Variants in FMNL2 observed in about 807,000 individuals in gnomAD.
The protein encoded by FMNL2 is formin like 2, also known as formin-like protein 2.
A neutral mutation model predicts 130.2 loss-of-function variants in FMNL2; 51 were observed. The ratio of observed to expected loss-of-function variants is 0.39; its 90% confidence interval spans 0.31 to 0.49. FMNL2 has a LOEUF of 0.49. Among genes scored for constraint, FMNL2 ranks in the 20% least tolerant of loss-of-function variants. The pLI is 0.85. For synonymous variants in FMNL2, 465 were observed against 467.1 expected (o/e 1.00, Z 0.06); for missense variants, 977 against 1,316.2 (o/e 0.74, Z 3.99).
chr2:152,445,850 C>T (rs999305094), intron 1 of FMNL2, among the ~76,000 whole-genome samples: 4 of 152,182 alleles, frequency 2.6e-5, no homozygotes, highest in African/African-American at 4.8e-5. Flanking sequence ...GTCAGGGTTC[C>T]GGGTCAGCTG....
chr2:152,564,743 AAGAC>A (rs1239419540), intron 6 of FMNL2, among the ~76,000 whole-genome samples: 1 of 147,330 alleles, frequency 6.8e-6, no homozygotes, highest in Non-Finnish European at 1.5e-5. Context: ...AAGAAAAAAA[AAGAC>A]AAACACTGCG....
chr2:152,362,482 A>T lies in FMNL2; in HGVS notation c.117+26762A>T, dbSNP rs1000326513. Among the ~76,000 whole-genome samples the T allele has an allele frequency of 4.6e-5, 7 of 152,232 alleles. No homozygotes were observed. In the South Asian group the frequency reaches 1.5e-3, roughly 32 times the overall value. ...GTAGAGGATTTAATTCTGACTGCAA[A>T]CCATTTGAGATATTTTATGGATAAG... On this transcript the variant is annotated intron_variant, in intron 1 of 25. Transcript: ENST00000288670.
Position 152,625,341 on chromosome 2 carries a change from G to A in FMNL2, c.1838-97G>A, listed in dbSNP as rs1241507864. 4.6e-5 allele frequency: 65 copies of A among 1,416,622 alleles called. No homozygotes were observed. In the South Asian group the frequency reaches 9.1e-4, roughly 20 times the overall value. 87.8% of individuals were successfully genotyped at this position (1,416,622 alleles called of 1,614,324 possible). A position where few individuals can be genotyped will look rare whatever the true frequency, so the allele number is the denominator to read the frequency against. On this transcript the variant is annotated intron_variant, in intron 15 of 25. Coordinates refer to ENST00000288670, the MANE Select transcript of FMNL2 (RefSeq NM_052905.4). The stretch of plus-strand genomic sequence containing the variant: ...CGCGCCTCTTGCCAACCTTCCTCCA[G>A]TGTCAAAGTGTCATCTGCAAGGACT...
At chr2:152,510,521 A>C (rs1692442967) in intron 1 of FMNL2, among the ~76,000 whole-genome samples, 1 of 152,216 alleles carries the variant, frequency 6.6e-6, no homozygotes, top group African/African-American at 2.4e-5. Context: ...AGCAGTTTAA[A>C]AAATTATGAA....
chr2:152,514,876 G>T (rs976016617), intron 1 of FMNL2, among the ~76,000 whole-genome samples: 1 of 152,080 alleles, frequency 6.6e-6, no homozygotes, highest in Non-Finnish European at 1.5e-5. Context: ...TGTGGGTGAG[G>T]CTACTGTACA....
At chr2:152,414,431 G>A (rs967131370) in intron 1 of FMNL2, among the ~76,000 whole-genome samples, 8 of 152,096 alleles carry the variant, frequency 5.3e-5, no homozygotes, top group African/African-American at 1.9e-4. Flanking sequence ...TTATTGCCCA[G>A]TATCACTTCT....
chr2:152,419,537 G>T (rs189750983), intron 1 of FMNL2, among the ~76,000 whole-genome samples: 5 of 152,270 alleles, frequency 3.3e-5, no homozygotes, highest in African/African-American at 1.2e-4. Context: ...GGTTACCAGG[G>T]GCTGGGGGAA....
At chr2:152,646,944 C>T (rs1016088127) in intron 25 of FMNL2, among the ~76,000 whole-genome samples, 8 of 152,214 alleles carry the variant, frequency 5.3e-5, no homozygotes, top group Non-Finnish European at 1.0e-4. Flanking sequence ...TTCCTCTGCT[C>T]CTCCCACTTC....
Position 152,549,078 on chromosome 2 carries a change from T to C in FMNL2, c.340T>C (p.Leu114=). The part of the protein sequence containing the change: ...TQVLRELEIS[L]RTNHIGWVRE... ...AGTGCTAAGAGAACTGGAAATTTCT[T>C]TGAGAACTAACCACATTGGGTAAGT... The change falls in exon 4 of 26, where the codon TTG becomes CTG. Residue 114 remains leucine, a synonymous_variant. Transcript: ENST00000288670. 6.2e-7 allele frequency: 1 copy of C among 1,610,360 alleles called. No homozygotes were observed. Among genetic ancestry groups the C allele is most frequent in the Non-Finnish European group, 8.5e-7 (1 of 1,178,428 alleles).
chr2:152,484,935 G>A (rs1403272484), intron 1 of FMNL2, among the ~76,000 whole-genome samples: 1 of 152,152 alleles, frequency 6.6e-6, no homozygotes, highest in Non-Finnish European at 1.5e-5. Flanking sequence ...AATGTTCTTG[G>A]GTGTTCACAG....
chr2:152,637,188 CAG>C (rs931903462), intron 22 of FMNL2, among the ~76,000 whole-genome samples: 3 of 152,164 alleles, frequency 2.0e-5, no homozygotes, highest in Non-Finnish European at 4.4e-5. Flanking sequence ...AATTTAGGGT[CAG>C]AGTGACCAAG....
chr2:152,471,922 C>A (rs1689880689), intron 1 of FMNL2, among the ~76,000 whole-genome samples: 1 of 152,156 alleles, frequency 6.6e-6, no homozygotes, highest in Admixed American at 6.5e-5. Context: ...ATCACAGTTT[C>A]AGTAGTGCGA....
At chr2:152,372,326 ATG>A (rs951851665) in intron 1 of FMNL2, among the ~76,000 whole-genome samples, 1 of 152,134 alleles carries the variant, frequency 6.6e-6, no homozygotes, top group Non-Finnish European at 1.5e-5. Context: ...ATGTTTCCTA[ATG>A]TGTTGATTAT....
chr2:152,486,079 G>A (rs1398849113), intron 1 of FMNL2, among the ~76,000 whole-genome samples: 2 of 152,114 alleles, frequency 1.3e-5, no homozygotes, highest in East Asian at 3.8e-4. Context: ...AGATAGCAAC[G>A]GATCATGCTA....
chr2:152,409,251 A>G (rs541181058), intron 1 of FMNL2, among the ~76,000 whole-genome samples: 5 of 152,298 alleles, frequency 3.3e-5, no homozygotes, highest in South Asian at 2.1e-4. Context: ...AAAATTCTCA[A>G]TTGCTGTGAG....
intron 24 of FMNL2, among the ~76,000 whole-genome samples, chr2:152,640,571 C>T (rs1439900003): frequency 6.6e-6 from 1 of 152,238 alleles, no homozygotes; most frequent in African/African-American, 2.4e-5. Context: ...AGACTCCAGC[C>T]TTCTTGTTGC....
At chr2:152,464,082 G>A (rs1354328123) in intron 1 of FMNL2, among the ~76,000 whole-genome samples, 2 of 152,112 alleles carry the variant, frequency 1.3e-5, no homozygotes, top group African/African-American at 2.4e-5. Flanking sequence ...ACAGGCATAT[G>A]CAACGATGCC....
chr2:152,353,925 G>A (rs1682647385), intron 1 of FMNL2, among the ~76,000 whole-genome samples: 1 of 152,006 alleles, frequency 6.6e-6, no homozygotes, highest in Non-Finnish European at 1.5e-5. Flanking sequence ...GCCCAGAATT[G>A]AACTAATGGT....
At chr2:152,618,484 A>T (rs1699068782) in intron 13 of FMNL2, among the ~76,000 whole-genome samples, 1 of 152,190 alleles carries the variant, frequency 6.6e-6, no homozygotes, top group Admixed American at 6.5e-5. Flanking sequence ...TCTAAGAGTT[A>T]CAAATGAATG....
Sources: allele counts gnomAD v4.1 joint callset (sites outside exome capture counted in the v4.1 genomes callset), GRCh38; gene constraint gnomAD v4.1.1; transcripts MANE v1.5; gene names NCBI Gene and HGNC (gene_info 2026-07-23, HGNC 2026-07-21).